MAPKBP1: variants seen among roughly 807,000 people sequenced by gnomAD.
MAPKBP1 encodes the protein mitogen-activated protein kinase-binding protein 1.
Under a neutral mutation model 170.5 loss-of-function variants are expected in MAPKBP1, and 71 were observed. The observed-to-expected ratio is 0.42, with a 90% CI of 0.34 to 0.51. The LOEUF is 0.51. Ranked by LOEUF, MAPKBP1 falls within the 20% of genes least tolerant of loss-of-function variation. The probability of loss-of-function intolerance (pLI) is 0.06; values close to 1 mark genes in which losing one functional copy is unlikely to be tolerated. For missense variants in MAPKBP1, 1,598 were observed against 1,933.0 expected (o/e 0.83, Z 3.25); for synonymous variants, 719 against 757.9 (o/e 0.95, Z 0.84).
At position 41,825,584 on chromosome 15, in the gene MAPKBP1, T is replaced by G. The variant is rs2065076937; in HGVS notation, c.*148T>G. 1 of 623,166 alleles carries G rather than the reference T, an allele frequency of 1.6e-6. No homozygotes were observed. The highest frequency in any genetic ancestry group is 2.2e-5 in the South Asian group (1 of 46,482). 38.6% of individuals were successfully genotyped at this position (623,166 alleles called of 1,614,324 possible). On this transcript the variant is annotated 3_prime_UTR_variant, in exon 31 of 31. Coordinates refer to ENST00000457542, the MANE Select transcript of MAPKBP1 (RefSeq NM_014994.3). Reference sequence around the variant, plus strand: ...AAGCAGCCTTCCCAGCCGCTCCTCGTGGGGGGCCTGTATTTATTAATTTAT... The same window carrying G: ...AAGCAGCCTTCCCAGCCGCTCCTCGGGGGGGGCCTGTATTTATTAATTTAT...
rs766262484 is a variant in MAPKBP1 at position 41,818,250 on chromosome 15, C to G, written c.2037C>G (p.Leu679=). The change falls in exon 18 of 31, where the codon CTC becomes CTG. Residue 679 remains leucine (L), a synonymous_variant. Coordinates refer to ENST00000457542, the MANE Select transcript of MAPKBP1 (RefSeq NM_014994.3). This position sits in a 1 kb window ranked among gnomAD's most constrained non-coding sequence, Gnocchi z 5.2. ...CCACCAGCTGTTCTGACAAGAATCT[C>G]TCCATTTTTGACTTCTCCTCAGGCG... is the stretch of plus-strand genomic sequence containing the variant. The part of the protein sequence containing the change: ...YIATSCSDKN[L]SIFDFSSGEC... The G allele has an allele frequency of 6.8e-6, 11 of 1,614,154 alleles. 1 individual carries two copies. In the Middle Eastern group the frequency reaches 1.5e-3, roughly 218 times the overall value.
Position 41,812,025 on chromosome 15 carries a change from G to A in MAPKBP1, c.396G>A (p.Glu132=), listed in dbSNP as rs2064815631. 6.2e-7 allele frequency: 1 copy of A among 1,614,064 alleles called. No homozygotes were observed. Among genetic ancestry groups the A allele is most frequent in the African/African-American group, 1.3e-5 (1 of 74,922 alleles). ...AEHSQVAELQ[E]HKYGVACVAF... ...ACAGCCAGGTGGCCGAGCTGCAGGA[G>A]CACAAGTATGGTGTGGCTTGTGTGG... The change falls in exon 6 of 31, where the codon GAG becomes GAA. Residue 132 remains glutamate (E), a synonymous_variant. Transcript: ENST00000457542.
chr15:41,785,659 A>G (rs2152069088), intron 2 of MAPKBP1, among the ~76,000 whole-genome samples: 1 of 152,264 alleles, frequency 6.6e-6, no homozygotes, highest in East Asian at 1.9e-4. Flanking sequence ...TAATTAAATA[A>G]CCCGTTATTT....
chr15:41,781,455 A>G (rs1271353091), intron 2 of MAPKBP1, among the ~76,000 whole-genome samples: 1 of 147,478 alleles, frequency 6.8e-6, no homozygotes, highest in Non-Finnish European at 1.5e-5. Flanking sequence ...CTCTCCTCCT[A>G]AAACTGTAAT....
At position 41,827,255 on chromosome 15, in the gene MAPKBP1, G is replaced by T. The variant is rs2065122886; in HGVS notation, c.*1819G>T. ...GTGGAGGTTGCAGTGAGCCGAGATC[G>T]CGCCATTGCACTCCAACCTAGGTGA... On this transcript the variant is annotated 3_prime_UTR_variant, in exon 31 of 31. Transcript: ENST00000457542. 1 of 151,788 alleles carries T rather than the reference G, an allele frequency of 6.6e-6. No homozygotes were observed. Among genetic ancestry groups the T allele is most frequent in the Non-Finnish European group, 1.5e-5 (1 of 67,998 alleles). 9.4% of individuals were successfully genotyped at this position (151,788 alleles called of 1,614,324 possible). A position where few individuals can be genotyped will look rare whatever the true frequency, so the allele number is the denominator to read the frequency against.
chr15:41,806,293 C>T (rs1476833661), intron 3 of MAPKBP1, among the ~76,000 whole-genome samples: 1 of 152,100 alleles, frequency 6.6e-6, no homozygotes, highest in Non-Finnish European at 1.5e-5. Context: ...GGCTGGAGGG[C>T]GACATTTGAG....
At chr15:41,787,191 G>T (rs1202644266) in intron 2 of MAPKBP1, among the ~76,000 whole-genome samples, 1 of 151,820 alleles carries the variant, frequency 6.6e-6, no homozygotes, top group African/African-American at 2.4e-5. Context: ...AATATTTTTT[G>T]ATACTTTTTG....
Position 41,819,552 on chromosome 15 carries a change from G to C in MAPKBP1, c.2426-43G>C, listed in dbSNP as rs770938243. On this transcript the variant is annotated intron_variant, in intron 21 of 30. Coordinates refer to ENST00000457542, the MANE Select transcript of MAPKBP1 (RefSeq NM_014994.3). ...AGGGCTCCAGGGTTGGGTGGCGGGGGGGGGGCAGGAGACACTTCCTCTGAC... is the reference window on the plus strand; with the variant it reads ...AGGGCTCCAGGGTTGGGTGGCGGGGCGGGGGCAGGAGACACTTCCTCTGAC... 61 of 1,508,800 alleles carry C rather than the reference G, an allele frequency of 4.0e-5. 1 individual carries two copies. The East Asian group carries it at 4.0e-4, about 10-fold the overall frequency. The allele number at this position is 1,508,800 out of a possible 1,614,324, so 93.5% of individuals were successfully genotyped here.
Position 41,823,999 on chromosome 15 carries a change from C to A in MAPKBP1, c.4151C>A (p.Pro1384His), listed in dbSNP as rs780935069. 5.6e-6 allele frequency: 9 copies of A among 1,613,018 alleles called. No individual in the cohort carries two copies. Among genetic ancestry groups the A allele is most frequent in the Non-Finnish European group, 7.6e-6 (9 of 1,180,020 alleles). ...QGPENLQPPP[P>H]EKTPNPMECT... ...CCTGAAAACTTGCAGCCCCCACCCC[C>A]TGAGAAGACTCCCAACCCCATGGAA... The change falls in exon 29 of 31, where the codon CCT becomes CAT. Residue 1384 changes from proline (P) to histidine (H), a missense_variant. Physicochemically the swap from Pro to His is moderately conservative, Grantham distance 77. This residue lies in a region of MAPKBP1 where 942 missense variants were observed against 953.2 expected (regional missense o/e 0.99). Transcript: ENST00000457542.
At chr15:41,795,831 G>A (rs983438826) in intron 2 of MAPKBP1, among the ~76,000 whole-genome samples, 3 of 152,050 alleles carry the variant, frequency 2.0e-5, no homozygotes, top group Non-Finnish European at 4.4e-5. Context: ...GCATGGTCTC[G>A]ATCTCCTGAC....
chr15:41,814,831 A>T lies in MAPKBP1; in HGVS notation c.1170+92A>T. 3 of 1,456,712 alleles carry T rather than the reference A, an allele frequency of 2.1e-6. No homozygotes were observed. The South Asian group carries it at 3.8e-5, about 18-fold the overall frequency. The allele number at this position is 1,456,712 out of a possible 1,614,324, so 90.2% of individuals were successfully genotyped here. On this transcript the variant is annotated intron_variant, in intron 10 of 30. Transcript: ENST00000457542. ...AATAGGGATCCCCAAGTATAATCTT[A>T]GATTCCTGCTGCCTCCCTGTTTCTC...
chr15:41,793,662 C>T (rs545316136), intron 2 of MAPKBP1, among the ~76,000 whole-genome samples: 2 of 152,224 alleles, frequency 1.3e-5, no homozygotes, highest in African/African-American at 4.8e-5. Context: ...GAAGAGTTCC[C>T]AAGACCAAAA....
At chr15:41,778,138 G>A (rs1318657872) in intron 2 of MAPKBP1, among the ~76,000 whole-genome samples, 4 of 151,980 alleles carry the variant, frequency 2.6e-5, no homozygotes, top group African/African-American at 7.3e-5. Context: ...ACATCACACC[G>A]TTTAGGACAG....
intron 3 of MAPKBP1, among the ~76,000 whole-genome samples, chr15:41,800,498 A>C (rs2064572299): frequency 6.6e-6 from 1 of 152,054 alleles, no homozygotes; most frequent in East Asian, 1.9e-4. Flanking sequence ...GCACTGCCCC[A>C]TGCCTGGCTA....
Position 41,815,323 on chromosome 15 carries a change from C to T in MAPKBP1, c.1235C>T (p.Ser412Phe). 6.2e-7 allele frequency: 1 copy of T among 1,614,196 alleles called. No homozygotes were observed. The highest frequency in any genetic ancestry group is 8.5e-7 in the Non-Finnish European group (1 of 1,180,030). ...CCCCCCAGTTCCTTTATTACCTGCT[C>T]CTCAGACAACACCATCCGCCTGTGG... ...CLPPSSFITC[S>F]SDNTIRLWNT... is the part of the protein sequence containing the mutation. Residue 412 changes from serine (S) to phenylalanine (F), a missense_variant, in exon 11 of 31, where the codon TCC (serine) becomes TTC (phenylalanine). Transcript: ENST00000457542.
chr15:41,784,127 T>C (rs751901726), intron 2 of MAPKBP1, among the ~76,000 whole-genome samples: 1 of 152,198 alleles, frequency 6.6e-6, no homozygotes, highest in Non-Finnish European at 1.5e-5. Flanking sequence ...CTGACATTCA[T>C]TGGTTGGCTT....
At chr15:41,820,735 T>C in intron 22 of MAPKBP1, 97 bp from the exon 23 acceptor site, 2 of 830,166 alleles carry the variant, frequency 2.4e-6, no homozygotes, top group Non-Finnish European at 3.9e-6. Flanking sequence ...AGCTAGTATG[T>C]GTAGTGTGCC....
rs756185019 is a variant in MAPKBP1, at chr15:41,823,163, C to T, written c.3539C>T (p.Thr1180Ile). ...DSSWAPKRVA[T>I]ASPFSGLQKA... ...AGCTGGGCTCCCAAGAGAGTGGCCA[C>T]AGCCAGCCCCTTTTCTGGACTCCAG... The change falls in exon 28 of 31, where the codon ACA becomes ATA. Residue 1180 changes from threonine to isoleucine, a missense_variant. By Grantham distance (89) the Thr-to-Ile change is moderately conservative (BLOSUM62 -1). Around this residue, in one of 6 missense-constraint regions of MAPKBP1, gnomAD observed 942 missense variants for 953.2 expected, o/e 0.99. Coordinates refer to ENST00000457542, the MANE Select transcript of MAPKBP1 (RefSeq NM_014994.3). 7.4e-6 allele frequency: 12 copies of T among 1,613,714 alleles called. No individual in the cohort carries two copies. Among genetic ancestry groups the T allele is most frequent in the African/African-American group, 4.0e-5 (3 of 75,068 alleles).
intron 12 of MAPKBP1, 48 bp downstream of exon 12, chr15:41,815,847 G>A (rs374039160): frequency 2.6e-6 from 4 of 1,565,970 alleles, no homozygotes; most frequent in Non-Finnish European, 3.5e-6. Context: ...ATGGTGCAGA[G>A]TTGGGTATTT....
Sources: allele counts gnomAD v4.1 joint callset (sites outside exome capture counted in the v4.1 genomes callset), GRCh38; gene constraint gnomAD v4.1.1; regional missense constraint gnomAD v4.1.1; non-coding constraint Gnocchi (gnomAD v3.1); transcripts MANE v1.5; gene names NCBI Gene and HGNC (gene_info 2026-07-23, HGNC 2026-07-21).